Variants in MAP3K13 observed in about 807,000 individuals in gnomAD.
The protein encoded by MAP3K13 is mitogen-activated protein kinase kinase kinase 13.
A neutral mutation model predicts 104.0 loss-of-function variants in MAP3K13; 52 were observed. The ratio of observed to expected loss-of-function variants is 0.50; its 90% CI spans 0.40 to 0.63. The LOEUF (loss-of-function observed/expected upper bound fraction) is 0.63, where lower values mean the gene tolerates loss of function less well. Ranked by LOEUF, MAP3K13 falls within the 20% of genes least tolerant of loss-of-function variation. MAP3K13 has a pLI of 0.00. For missense variants in MAP3K13, 914 were observed against 1,218.5 expected (o/e 0.75, Z 3.72); for synonymous variants, 394 against 442.2 (o/e 0.89, Z 1.37).
Position 185,482,556 on chromosome 3 carries a change from AAG to A in MAP3K13, c.*106_*107del. On this transcript the variant is annotated 3_prime_UTR_variant, in exon 14 of 14. Transcript: ENST00000265026. This position sits in a 1 kb window ranked among gnomAD's most constrained non-coding sequence, Gnocchi z 4.5. ...ACTCTCTCCCAGCATTTTGTCTGGG[AAG>A]AGAGACTACCCCATCTTTACCACCC... is the stretch of plus-strand genomic sequence containing the variant. 1.2e-6 allele frequency: 1 copy of A among 852,316 alleles called. No homozygotes were observed. The highest frequency in any genetic ancestry group is 1.9e-6 in the Non-Finnish European group (1 of 519,586). The allele number at this position is 852,316 out of a possible 1,614,324, so 52.8% of individuals were successfully genotyped here. A position where few individuals can be genotyped will look rare whatever the true frequency, so the allele number is the denominator to read the frequency against.
intron 1 of MAP3K13, among the ~76,000 whole-genome samples, chr3:185,374,287 T>A (rs894786483): frequency 6.6e-6 from 1 of 151,980 alleles, no homozygotes; most frequent in Non-Finnish European, 1.5e-5. Flanking sequence ...AGTGGTAAAG[T>A]GTTGGGGTGG....
intron 5 of MAP3K13, among the ~76,000 whole-genome samples, chr3:185,448,774 G>A (rs951461179): frequency 2.0e-5 from 3 of 152,108 alleles, no homozygotes; most frequent in Non-Finnish European, 4.4e-5. Context: ...AATCATATAG[G>A]TAAAAAAACG....
chr3:185,364,044 A>G (rs979389378), intron 1 of MAP3K13, among the ~76,000 whole-genome samples: 3 of 152,234 alleles, frequency 2.0e-5, no homozygotes, highest in African/African-American at 4.8e-5. Flanking sequence ...GGGTTTTTCA[A>G]TATCCTCTAA....
At chr3:185,380,117 C>T (rs1197735982) in intron 1 of MAP3K13, among the ~76,000 whole-genome samples, 1 of 151,864 alleles carries the variant, frequency 6.6e-6, no homozygotes, top group African/African-American at 2.4e-5. Context: ...ACCCAGGAGG[C>T]AGAGGTTGCA....
upstream of MAP3K13, among the ~76,000 whole-genome samples, chr3:185,360,740 C>CT (rs369657072): frequency 5.3e-3 from 796 of 151,456 alleles, 3 homozygotes; most frequent in Non-Finnish European, 7.6e-3. Flanking sequence ...GCTTCAGAGA[C>CT]TACTCCCATC....
intron 1 of MAP3K13, among the ~76,000 whole-genome samples, chr3:185,397,898 G>A (rs1005891741): frequency 2.0e-5 from 3 of 152,164 alleles, no homozygotes; most frequent in Non-Finnish European, 4.4e-5. Context: ...CCATATGCCA[G>A]TAAGACTTTG....
At chr3:185,389,980 G>T (rs1711945427) in intron 1 of MAP3K13, among the ~76,000 whole-genome samples, 1 of 152,090 alleles carries the variant, frequency 6.6e-6, no homozygotes, top group South Asian at 2.1e-4. Context: ...ATGATAACTG[G>T]ATTCTCATAT....
chr3:185,332,208 G>T (rs1722310592), intron 2 of MAP3K13, among the ~76,000 whole-genome samples: 1 of 125,324 alleles, frequency 8.0e-6, no homozygotes, highest in South Asian at 2.8e-4. Flanking sequence ...CTTCTTTAGG[G>T]ATTGTACCAA....
intron 1 of MAP3K13, among the ~76,000 whole-genome samples, chr3:185,382,860 ATTAAT>A: frequency 6.6e-6 from 1 of 151,942 alleles, no homozygotes; most frequent in South Asian, 2.1e-4. Flanking sequence ...TTTTTAATTA[ATTAAT>A]TTATTATTAT....
chr3:185,379,801 A>G (rs187307601), intron 1 of MAP3K13, among the ~76,000 whole-genome samples: 3 of 152,306 alleles, frequency 2.0e-5, no homozygotes, highest in African/African-American at 7.2e-5. Flanking sequence ...CAACTCTGCA[A>G]GAGACCTACC....
At chr3:185,466,760 GA>G in intron 9 of MAP3K13, 65 bp from the exon 10 acceptor site, 3 of 1,575,502 alleles carry the variant, frequency 1.9e-6, no homozygotes, top group Non-Finnish European at 2.6e-6. Context: ...ATTAGCCGGT[GA>G]AAATATTCTG....
chr3:185,284,110 T>C (rs1720416978), intron 1 of MAP3K13, among the ~76,000 whole-genome samples: 1 of 151,786 alleles, frequency 6.6e-6, no homozygotes, highest in African/African-American at 2.4e-5. Context: ...AGTGCTGGGA[T>C]TACGGGCGTG....
At position 185,449,996 on chromosome 3, in the gene MAP3K13, C is replaced by G. The variant is rs1273863352; in HGVS notation, c.1107C>G (p.Ser369Arg). ...TTATCTGGGGTGTTGGAAGCAACAGCCTCCACCTTCCAGTTCCTTCCACTT... is the reference window on the plus strand; with the variant it reads ...TTATCTGGGGTGTTGGAAGCAACAGGCTCCACCTTCCAGTTCCTTCCACTT... The part of the protein sequence containing the change: ...SAIIWGVGSN[S>R]LHLPVPSTCP... Residue 369 changes from serine to arginine, a missense_variant, in exon 6 of 14, where the codon AGC becomes AGG. This residue lies in a region of MAP3K13 where 175 missense variants were observed against 321.3 expected (regional missense o/e 0.54). Transcript: ENST00000265026. 5 of 1,613,504 alleles carry G rather than the reference C, an allele frequency of 3.1e-6. No individual in the cohort carries two copies. Among genetic ancestry groups the G allele is most frequent in the Non-Finnish European group, 4.2e-6 (5 of 1,179,814 alleles).
chr3:185,448,791 T>G (rs980459277), intron 5 of MAP3K13, among the ~76,000 whole-genome samples: 2 of 152,214 alleles, frequency 1.3e-5, no homozygotes, highest in Non-Finnish European at 2.9e-5. Context: ...AACGGTATCT[T>G]GGGTGCATTC....
chr3:185,468,115 C>A (rs561612191), intron 10 of MAP3K13, among the ~76,000 whole-genome samples: 22 of 150,544 alleles, frequency 1.5e-4, no homozygotes, highest in African/African-American at 5.5e-4. Flanking sequence ...GATCCAATCA[C>A]CCCCTCACCA....
chr3:185,316,763 C>T (rs1373297345), intron 2 of MAP3K13, among the ~76,000 whole-genome samples: 1 of 152,170 alleles, frequency 6.6e-6, no homozygotes, highest in Non-Finnish European at 1.5e-5. Flanking sequence ...TCCCCAACCA[C>T]AACAATTTAA....
intron 7 of MAP3K13, among the ~76,000 whole-genome samples, chr3:185,455,277 GATATATGAGATATATATATGAGAT>G (rs1716442044): frequency 3.7e-4 from 13 of 34,776 alleles, no homozygotes; most frequent in African/African-American, 1.1e-3. Flanking sequence ...ATATATATGA[GATATATGAGATATATATATGAGAT>G]ATATATGAGA....
At chr3:185,326,990 A>G (rs1447248485) in intron 2 of MAP3K13, among the ~76,000 whole-genome samples, 3 of 152,192 alleles carry the variant, frequency 2.0e-5, no homozygotes, top group Non-Finnish European at 2.9e-5. Flanking sequence ...TATTGCTCCC[A>G]TAACAAATTA....
At chr3:185,420,416 G>A (rs1714049101) in intron 1 of MAP3K13, among the ~76,000 whole-genome samples, 1 of 152,166 alleles carries the variant, frequency 6.6e-6, no homozygotes, top group South Asian at 2.1e-4. Flanking sequence ...ATCATTTTAT[G>A]TTATTACTAT....
Sources: allele counts gnomAD v4.1 joint callset (sites outside exome capture counted in the v4.1 genomes callset), GRCh38; gene constraint gnomAD v4.1.1; regional missense constraint gnomAD v4.1.1; non-coding constraint Gnocchi (gnomAD v3.1); transcripts MANE v1.5; gene names NCBI Gene and HGNC (gene_info 2026-07-23, HGNC 2026-07-21).